PDZRN3: variants seen among roughly 807,000 people sequenced by gnomAD.
PDZRN3 encodes the protein E3 ubiquitin-protein ligase PDZRN3.
Under a neutral mutation model 85.7 loss-of-function variants are expected in PDZRN3, and 38 were observed. That is an observed-to-expected ratio of 0.44 (90% CI 0.34 to 0.58). PDZRN3 has a LOEUF of 0.58. PDZRN3 is among the 20% of genes least tolerant of loss of function. The pLI is 0.01. For synonymous variants in PDZRN3, 759 were observed against 638.0 expected (o/e 1.19, Z -2.86); for missense variants, 1,629 against 1,506.4 (o/e 1.08, Z -1.35).
chr3:73,495,785 A>G (rs745320666), intron 3 of PDZRN3, among the ~76,000 whole-genome samples: 10 of 152,202 alleles, frequency 6.6e-5, no homozygotes, highest in Non-Finnish European at 1.5e-4. Context: ...AGTGCCAAAG[A>G]AAGTTTATGT....
intron 5 of PDZRN3, among the ~76,000 whole-genome samples, chr3:73,392,295 T>G (rs1701544536): frequency 6.6e-6 from 1 of 152,214 alleles, no homozygotes; most frequent in Non-Finnish European, 1.5e-5. Flanking sequence ...CAGGCCAGCA[T>G]GAGTAGCTAA....
intron 3 of PDZRN3, among the ~76,000 whole-genome samples, chr3:73,489,011 T>C (rs1307664059): frequency 6.6e-6 from 1 of 152,198 alleles, no homozygotes; most frequent in African/African-American, 2.4e-5. Context: ...GGCACATTGG[T>C]TGCCATATCT....
chr3:73,601,010 C>T (rs1479144455), intron 3 of PDZRN3, among the ~76,000 whole-genome samples: 4 of 152,140 alleles, frequency 2.6e-5, no homozygotes, highest in Non-Finnish European at 5.9e-5. Context: ...GTCCTTAAAA[C>T]AAAATCAAGT....
intron 3 of PDZRN3, among the ~76,000 whole-genome samples, chr3:73,582,702 G>A (rs1002953203): frequency 6.6e-6 from 1 of 152,120 alleles, no homozygotes; most frequent in African/African-American, 2.4e-5. Flanking sequence ...TTTGGATCCT[G>A]TCATCCACAA....
chr3:73,411,342 CCT>C (rs1282684814), intron 3 of PDZRN3, among the ~76,000 whole-genome samples: 2 of 152,258 alleles, frequency 1.3e-5, no homozygotes, highest in East Asian at 3.9e-4. Flanking sequence ...AGTTTATAGA[CCT>C]CACAGAAAAT....
intron 3 of PDZRN3, among the ~76,000 whole-genome samples, chr3:73,511,567 C>T (rs528091958): frequency 8.5e-5 from 13 of 152,312 alleles, no homozygotes; most frequent in African/African-American, 2.9e-4. Flanking sequence ...ACGCCTCCCC[C>T]TACAATCCCA....
At chr3:73,601,928 G>C (rs1253741307) in intron 3 of PDZRN3, among the ~76,000 whole-genome samples, 2 of 152,130 alleles carry the variant, frequency 1.3e-5, no homozygotes, top group African/African-American at 4.8e-5. Flanking sequence ...GTAGAAATAA[G>C]TGTGTGCTGT....
chr3:73,545,835 A>T (rs1463564954), intron 3 of PDZRN3, among the ~76,000 whole-genome samples: 1 of 152,138 alleles, frequency 6.6e-6, no homozygotes, highest in African/African-American at 2.4e-5. Flanking sequence ...TCCACACCAC[A>T]TTAGAAGGGT....
intron 3 of PDZRN3, among the ~76,000 whole-genome samples, chr3:73,430,849 C>G (rs1702416739): frequency 1.3e-5 from 2 of 152,170 alleles, no homozygotes; most frequent in Admixed American, 6.5e-5. Flanking sequence ...AACCTTAAAG[C>G]ATCTTCCTTA....
At chr3:73,560,257 C>A (rs544330643) in intron 3 of PDZRN3, among the ~76,000 whole-genome samples, 7 of 152,180 alleles carry the variant, frequency 4.6e-5, no homozygotes, top group Non-Finnish European at 1.0e-4. Flanking sequence ...ACAAATCTGC[C>A]AAATTTGACT....
At chr3:73,428,469 C>T (rs1405587666) in intron 3 of PDZRN3, among the ~76,000 whole-genome samples, 1 of 152,170 alleles carries the variant, frequency 6.6e-6, no homozygotes, top group Admixed American at 6.5e-5. Flanking sequence ...CTGAGAGTAA[C>T]AGTGGTGATG....
At chr3:73,549,049 G>A (rs559669065) in intron 3 of PDZRN3, among the ~76,000 whole-genome samples, 2 of 152,300 alleles carry the variant, frequency 1.3e-5, no homozygotes, top group South Asian at 4.1e-4. Flanking sequence ...CAAATGGTTG[G>A]TGGCATATCT....
intron 3 of PDZRN3, among the ~76,000 whole-genome samples, chr3:73,409,704 A>G (rs1701927546): frequency 6.6e-6 from 1 of 152,168 alleles, no homozygotes; most frequent in African/African-American, 2.4e-5. Context: ...CGGTCTACTT[A>G]GAAATATCAT....
chr3:73,415,073 G>A (rs1291569977), intron 3 of PDZRN3, among the ~76,000 whole-genome samples: 1 of 152,162 alleles, frequency 6.6e-6, no homozygotes, highest in East Asian at 1.9e-4. Context: ...ACACGGCCTG[G>A]GGCTGCCAAT....
intron 3 of PDZRN3, among the ~76,000 whole-genome samples, chr3:73,473,505 T>C (rs1017834694): frequency 6.6e-6 from 1 of 152,052 alleles, no homozygotes; most frequent in Non-Finnish European, 1.5e-5. Context: ...TAGGCCCATT[T>C]AAACATTATA....
chr3:73,383,928 A>G lies in PDZRN3; in HGVS notation c.2638T>C (p.Tyr880His), dbSNP rs774255585. Residue 880 changes from tyrosine (Y) to histidine (H), a missense_variant, in exon 10 of 10, where the codon TAC becomes CAC. Physicochemically the swap from Tyr to His is moderately conservative, Grantham distance 83. Coordinates refer to ENST00000263666, the MANE Select transcript of PDZRN3 (RefSeq NM_015009.3). ...TGGATCAGCTGCATGTAGCTCTGGTAGTGCTGGGCGTGCGCCGGGATGTGC... is the reference window on the plus strand; with the variant it reads ...TGGATCAGCTGCATGTAGCTCTGGTGGTGCTGGGCGTGCGCCGGGATGTGC... ...HAHIPAHAQH[Y>H]QSYMQLIQQK... 6 of 1,609,464 alleles carry G rather than the reference A, an allele frequency of 3.7e-6. No individual in the cohort carries two copies. Among genetic ancestry groups the G allele is most frequent in the Admixed American group, 1.7e-5 (1 of 59,838 alleles).
chr3:73,422,375 G>GTATC (rs1702221353), intron 3 of PDZRN3, among the ~76,000 whole-genome samples: 1 of 152,092 alleles, frequency 6.6e-6, no homozygotes, highest in South Asian at 2.1e-4. Flanking sequence ...AATAATAACT[G>GTATC]TATCTATACT....
chr3:73,596,995 T>A (rs9843133), intron 3 of PDZRN3, among the ~76,000 whole-genome samples: 73,646 of 151,972 alleles, frequency 0.48, 19,596 homozygotes, highest in East Asian at 0.65. Context: ...ATAAAGTAAA[T>A]GTAGTAGATG....
intron 3 of PDZRN3, among the ~76,000 whole-genome samples, chr3:73,424,541 C>CAAAA (rs34550639): frequency 1.8e-5 from 1 of 54,234 alleles, no homozygotes; most frequent in Admixed American, 2.9e-4. Flanking sequence ...GACTCCATCT[C>CAAAA]AAAAAAAAAA....
Sources: gnomAD v4.1 joint callset for allele counts (sites outside exome capture counted in the v4.1 genomes callset) on GRCh38, gnomAD v4.1.1 for gene constraint, MANE v1.5 for transcripts, NCBI Gene and HGNC (gene_info 2026-07-23, HGNC 2026-07-21) for gene names.